The following GNAQ variants were observed in gnomAD, a reference collection of about 807,000 sequenced individuals.
GNAQ encodes the protein guanine nucleotide-binding protein G(q) subunit alpha.
A neutral mutation model predicts 43.9 loss-of-function variants in GNAQ; 8 were observed. The ratio of observed to expected loss-of-function variants is 0.18; its 90% CI spans 0.11 to 0.33. The LOEUF is 0.33. Among genes scored for constraint, GNAQ ranks in the 10% least tolerant of loss-of-function variants. The pLI, the probability that GNAQ is intolerant of heterozygous loss-of-function variation, is 1.00. For missense variants in GNAQ, 158 were observed against 450.8 expected (o/e 0.35, Z 5.88); for synonymous variants, 155 against 170.7 (o/e 0.91, Z 0.71).
intron 2 of GNAQ, among the ~76,000 whole-genome samples, chr9:77,833,203 A>G (rs1360488601): frequency 6.6e-6 from 1 of 152,064 alleles, no homozygotes; most frequent in Non-Finnish European, 1.5e-5. Context: ...CCTGACCTCA[A>G]GTGATCCACC....
rs565678836 is a variant in GNAQ, at chr9:77,840,277, T to C, written c.322-24507A>G. 5.9e-5 allele frequency among the ~76,000 whole-genome samples: 9 copies of C among 152,180 alleles called. No individual in the cohort carries two copies. The South Asian group carries it at 8.3e-4, about 14-fold the overall frequency. On this transcript the variant is annotated intron_variant, in intron 2 of 6. Transcript: ENST00000286548. Reference sequence around the variant, plus strand: ...AACAATGAATGAATTAGCATGTAGATAGATGCAAGTTTATTATCTCTGTCC... The same window carrying C: ...AACAATGAATGAATTAGCATGTAGACAGATGCAAGTTTATTATCTCTGTCC...
intron 1 of GNAQ, among the ~76,000 whole-genome samples, chr9:77,980,852 C>T (rs1159304319): frequency 6.6e-6 from 1 of 152,172 alleles, no homozygotes; most frequent in African/African-American, 2.4e-5. Context: ...ACTAAAACAA[C>T]TTCAAAACTG....
intron 6 of GNAQ, among the ~76,000 whole-genome samples, chr9:77,726,189 T>C (rs1167913390): frequency 3.3e-5 from 5 of 152,202 alleles, no homozygotes; most frequent in South Asian, 2.1e-4. Flanking sequence ...GTCTCAGGCA[T>C]TGATGATTTG....
At chr9:77,819,964 T>C (rs1158806101) in intron 2 of GNAQ, among the ~76,000 whole-genome samples, 1 of 151,206 alleles carries the variant, frequency 6.6e-6, no homozygotes. Flanking sequence ...CCTAATTACC[T>C]CCCTCTCATA....
chr9:77,755,411 C>T (rs888995731), intron 5 of GNAQ, among the ~76,000 whole-genome samples: 1 of 151,912 alleles, frequency 6.6e-6, no homozygotes, highest in African/African-American at 2.4e-5. Flanking sequence ...GGTGGATATC[C>T]CACTTACCCT....
chr9:77,744,128 G>A (rs1270965268), intron 5 of GNAQ, among the ~76,000 whole-genome samples: 1 of 152,170 alleles, frequency 6.6e-6, no homozygotes, highest in Non-Finnish European at 1.5e-5. Flanking sequence ...TTAGTGGTAG[G>A]AAAGTTATAG....
chr9:77,944,891 CAA>C (rs1829364670), intron 1 of GNAQ, among the ~76,000 whole-genome samples: 2 of 151,936 alleles, frequency 1.3e-5, no homozygotes, highest in African/African-American at 4.8e-5. Flanking sequence ...GATATAAATC[CAA>C]AGAGAGCAAA....
In GNAQ at chr9:78,031,770, C is replaced by T. The variant is rs868820404; in HGVS notation, c.-535G>A. On this transcript the variant is annotated 5_prime_UTR_variant, in exon 1 of 7. Transcript: ENST00000286548. ...CCCTCGGCCCTGTCCGCGCCCACCG[C>T]CCGGCTCGCGCGCAGACCCGGTTCC... Among the ~76,000 whole-genome samples, 13 of 147,942 alleles carry T rather than the reference C, an allele frequency of 8.8e-5. No individual in the cohort carries two copies. The highest frequency in any genetic ancestry group is 8.1e-4 in the East Asian group (4 of 4,922).
At position 77,922,095 on chromosome 9, in the gene GNAQ, T is replaced by C. The variant is rs576420566; in HGVS notation, c.321+66A>G. On this transcript the variant is annotated intron_variant, in intron 2 of 6. Coordinates refer to ENST00000286548, the MANE Select transcript of GNAQ (RefSeq NM_002072.5). ...TCCAGACATGTCAAGAGGCTACTCG[T>C]GTTGTCACATTATTGTGAACACCTG... 3.1e-5 allele frequency: 34 copies of C among 1,079,614 alleles called. No individual in the cohort carries two copies. In the East Asian group the frequency reaches 7.4e-4, roughly 23 times the overall value. The allele number at this position is 1,079,614 out of a possible 1,614,324, so 66.9% of individuals were successfully genotyped here.
chr9:77,909,634 T>A (rs535316601), intron 2 of GNAQ, among the ~76,000 whole-genome samples: 8 of 151,914 alleles, frequency 5.3e-5, no homozygotes, highest in Non-Finnish European at 1.0e-4. Context: ...TCTTGATATA[T>A]GCCAGTCCTT....
chr9:78,010,921 C>T (rs1029273612), intron 1 of GNAQ, among the ~76,000 whole-genome samples: 2 of 152,228 alleles, frequency 1.3e-5, no homozygotes, highest in African/African-American at 2.4e-5. Context: ...CTATTCTAGC[C>T]ATGAAGGGGC....
rs543300660 is a variant in GNAQ at position 77,943,236 on chromosome 9, G to T, written c.137-20891C>A. On this transcript the variant is annotated intron_variant, in intron 1 of 6. Transcript: ENST00000286548. ...GGAAAGGGCTCCCCTCAGGGGTTTTGGTTCCTGAGTCAAATTTGAGCCTCA... is the reference window on the plus strand; with the variant it reads ...GGAAAGGGCTCCCCTCAGGGGTTTTTGTTCCTGAGTCAAATTTGAGCCTCA... 1.2e-3 allele frequency among the ~76,000 whole-genome samples: 185 copies of T among 152,312 alleles called. 2 individuals carry two copies. The highest frequency in any genetic ancestry group is 4.2e-3 in the African/African-American group (176 of 41,572).
At chr9:77,892,285 C>T (rs1828418966) in intron 2 of GNAQ, among the ~76,000 whole-genome samples, 1 of 152,188 alleles carries the variant, frequency 6.6e-6, no homozygotes, top group Non-Finnish European at 1.5e-5. Flanking sequence ...CACTCCTCTG[C>T]AGCTCTTCCC....
At chr9:77,992,216 CCT>C (rs1479676277) in intron 1 of GNAQ, among the ~76,000 whole-genome samples, 1 of 152,170 alleles carries the variant, frequency 6.6e-6, no homozygotes, top group Non-Finnish European at 1.5e-5. Flanking sequence ...TCTTGTTTTA[CCT>C]CTCTCTTCGC....
At chr9:77,755,633 G>T (rs971714195) in intron 5 of GNAQ, among the ~76,000 whole-genome samples, 7 of 152,046 alleles carry the variant, frequency 4.6e-5, no homozygotes, top group African/African-American at 1.7e-4. Flanking sequence ...CCTTTATCAT[G>T]TGACATAAGA....
intron 2 of GNAQ, among the ~76,000 whole-genome samples, chr9:77,849,893 T>C (rs1326971904): frequency 6.6e-6 from 1 of 152,192 alleles, no homozygotes; most frequent in East Asian, 1.9e-4. Flanking sequence ...CTCAAACTCC[T>C]GGCCTCCCAA....
chr9:77,751,552 G>A (rs1825810900), intron 5 of GNAQ, among the ~76,000 whole-genome samples: 1 of 152,132 alleles, frequency 6.6e-6, no homozygotes, highest in Non-Finnish European at 1.5e-5. Flanking sequence ...CCTAGAAGCG[G>A]ACAGAAATTT....
intron 3 of GNAQ, among the ~76,000 whole-genome samples, chr9:77,806,198 G>C (rs1316716660): frequency 1.3e-5 from 2 of 152,212 alleles, no homozygotes; most frequent in African/African-American, 4.8e-5. Context: ...ATTTGGCTTT[G>C]TTAATTTATT....
At chr9:77,946,388 A>T (rs1822895232) in intron 1 of GNAQ, among the ~76,000 whole-genome samples, 1 of 152,228 alleles carries the variant, frequency 6.6e-6, no homozygotes, top group South Asian at 2.1e-4. Flanking sequence ...GAATAAGCAG[A>T]ACATTTTCCA....
Sources: allele counts gnomAD v4.1 joint callset (sites outside exome capture counted in the v4.1 genomes callset), GRCh38; gene constraint gnomAD v4.1.1; transcripts MANE v1.5; gene names NCBI Gene and HGNC (gene_info 2026-07-23, HGNC 2026-07-21).